The following DIP2C variants were observed in gnomAD, a reference collection of about 807,000 sequenced individuals.
The protein encoded by DIP2C is DIP2 acetate--CoA ligase C (putative).
In DIP2C, 33 loss-of-function variants were observed where a neutral mutation model predicts 192.4. The observed-to-expected ratio is 0.17, with a 90% CI of 0.13 to 0.23. The LOEUF is 0.23. Among genes scored for constraint, DIP2C ranks in the 10% least tolerant of loss-of-function variants. The pLI, the probability that DIP2C is intolerant of heterozygous loss-of-function variation, is 1.00. For missense variants in DIP2C, 1,537 were observed against 2,110.1 expected, an observed-to-expected ratio of 0.73 and a Z score of 5.32; for synonymous variants, 979 against 864.1, an observed-to-expected ratio of 1.13 and a Z score of -2.33.
intron 32 of DIP2C, among the ~76,000 whole-genome samples, chr10:303,776 G>C (rs768510144): frequency 8.5e-5 from 13 of 152,310 alleles, no homozygotes; most frequent in Non-Finnish European, 1.6e-4. Context: ...GCCCGCCTCA[G>C]CCTCCCAAAG....
chr10:428,838 C>T (rs1038162561), intron 4 of DIP2C, among the ~76,000 whole-genome samples: 1 of 152,108 alleles, frequency 6.6e-6, no homozygotes, highest in African/African-American at 2.4e-5. Context: ...TGGTTAATTT[C>T]TTTTCATCCC....
At chr10:305,253 ACT>A (rs1956262318) in intron 32 of DIP2C, among the ~76,000 whole-genome samples, 5 of 152,154 alleles carry the variant, frequency 3.3e-5, no homozygotes. Flanking sequence ...ACATGTACAA[ACT>A]CATATTCACA....
At chr10:318,177 A>G (rs1469969988) in intron 31 of DIP2C, among the ~76,000 whole-genome samples, 2 of 152,182 alleles carry the variant, frequency 1.3e-5, no homozygotes, top group Non-Finnish European at 2.9e-5. Context: ...CCGCTGCCAC[A>G]CTTTGGTCAC....
rs1965868152 is a variant in DIP2C at position 417,994 on chromosome 10, ACCTGCACCTGTCAGGGCGCGGACAGGCC to A, written c.739+1043_739+1070del. 2.5e-5 allele frequency among the ~76,000 whole-genome samples: 2 copies of A among 79,988 alleles called. 1 individual carries two copies. Among genetic ancestry groups the A allele is most frequent in the Admixed American group, 2.2e-4 (2 of 8,958 alleles). The allele number at this position is 79,988 out of a possible 152,430, so 52.5% of individuals were successfully genotyped here. On this transcript the variant is annotated intron_variant, in intron 6 of 36. Coordinates refer to ENST00000280886, the MANE Select transcript of DIP2C (RefSeq NM_014974.3). ...AGGGCTCGGATAGGCCTCCCTGTCC[ACCTGCACCTGTCAGGGCGCGGACAGGCC>A]TCCCTGTCCACCTGTTCCTGTCAGG...
intron 1 of DIP2C, among the ~76,000 whole-genome samples, chr10:601,417 CG>C (rs1852066499): frequency 1.3e-5 from 2 of 152,202 alleles, no homozygotes; most frequent in Admixed American, 6.6e-5. Context: ...TGTAATCTTA[CG>C]GAGAAACTGC....
intron 1 of DIP2C, among the ~76,000 whole-genome samples, chr10:675,356 C>A (rs535079737): frequency 2.0e-5 from 3 of 151,402 alleles, no homozygotes; most frequent in Non-Finnish European, 2.9e-5. Context: ...AATAAACAAC[C>A]TAACAATGAA....
rs895544948 is a variant in DIP2C at position 651,616 on chromosome 10, C to G, written c.85+37878G>C. The G allele has an allele frequency of 2.8e-6, 1 of 359,850 alleles. No individual in the cohort carries two copies. The highest frequency in any genetic ancestry group is 2.1e-5 in the African/African-American group (1 of 47,040). 22.3% of individuals were successfully genotyped at this position (359,850 alleles called of 1,614,324 possible). Reference sequence around the variant, plus strand: ...AGGTGCATCTTTTATAAAACAAGAACGCAAGGCTCTGAGGCCAACTTTGAA... The same window carrying G: ...AGGTGCATCTTTTATAAAACAAGAAGGCAAGGCTCTGAGGCCAACTTTGAA... On this transcript the variant is annotated intron_variant, in intron 1 of 36. Transcript: ENST00000280886. This position sits in a 1 kb window ranked among gnomAD's most constrained non-coding sequence, Gnocchi z 4.1.
intron 1 of DIP2C, among the ~76,000 whole-genome samples, chr10:623,464 A>G (rs1449846996): frequency 8.7e-6 from 1 of 114,676 alleles, no homozygotes; most frequent in African/African-American, 3.3e-5. Flanking sequence ...GGCTGAGGGG[A>G]GGAGGGGAGG....
chr10:350,715 G>A (rs541700238), intron 24 of DIP2C, among the ~76,000 whole-genome samples: 93 of 146,004 alleles, frequency 6.4e-4, no homozygotes, highest in African/African-American at 1.8e-3. Flanking sequence ...CTCAGCTCAC[G>A]GCAACCTCCG....
intron 1 of DIP2C, among the ~76,000 whole-genome samples, chr10:679,575 C>A (rs1208486951): frequency 1.7e-4 from 13 of 77,698 alleles, no homozygotes; most frequent in Admixed American, 4.5e-4. Flanking sequence ...CATCCTCCCC[C>A]CACCCATGCT....
At chr10:472,311 G>A in intron 3 of DIP2C, 128 bp downstream of exon 3, 1 of 735,346 alleles carries the variant, frequency 1.4e-6, no homozygotes, top group Non-Finnish European at 2.2e-6. Flanking sequence ...CGTGCAGAAA[G>A]CTGGAGGCCC....
At chr10:571,065 G>GC (rs1434020483) in intron 1 of DIP2C, among the ~76,000 whole-genome samples, 1 of 152,210 alleles carries the variant, frequency 6.6e-6, no homozygotes, top group Non-Finnish European at 1.5e-5. Flanking sequence ...CGAGAGTGGT[G>GC]CCCCCACAAT....
chr10:422,638 G>A (rs1223183137), intron 5 of DIP2C, among the ~76,000 whole-genome samples, 186 bp downstream of exon 5: 2 of 152,238 alleles, frequency 1.3e-5, no homozygotes, highest in African/African-American at 2.4e-5. Context: ...GCAGCTGTGG[G>A]AGGGACCTGG....
At position 342,521 on chromosome 10, in the gene DIP2C, T is replaced by C. The variant is rs372385918; in HGVS notation, c.3454-1192A>G. On this transcript the variant is annotated intron_variant, in intron 28 of 36. Transcript: ENST00000280886. ...GGGGAGGCACCACGGTGCATTCCTC[T>C]GCTGGTCGAGGCCCTGTCTTATTCA... 4.6e-5 allele frequency among the ~76,000 whole-genome samples: 7 copies of C among 152,346 alleles called. No individual in the cohort carries two copies. The East Asian group carries it at 1.3e-3, about 29-fold the overall frequency.
chr10:681,592 C>G (rs189158657), intron 1 of DIP2C, among the ~76,000 whole-genome samples: 2 of 151,766 alleles, frequency 1.3e-5, no homozygotes, highest in Non-Finnish European at 1.5e-5. Flanking sequence ...GGAACACAGA[C>G]CCTTAGTCAC....
At chr10:654,471 G>A (rs1007199880) in intron 1 of DIP2C, among the ~76,000 whole-genome samples, 3 of 152,202 alleles carry the variant, frequency 2.0e-5, no homozygotes. Flanking sequence ...AGCGTGGAGG[G>A]CACTGTAGAG....
intron 1 of DIP2C, among the ~76,000 whole-genome samples, chr10:571,932 T>C (rs888514311): frequency 1.4e-4 from 22 of 152,248 alleles, no homozygotes; most frequent in African/African-American, 5.1e-4. Context: ...CTGCGAATTA[T>C]TTTGTATCCA....
At chr10:586,755 G>A (rs1039283903) in intron 1 of DIP2C, among the ~76,000 whole-genome samples, 1 of 152,202 alleles carries the variant, frequency 6.6e-6, no homozygotes, top group African/African-American at 2.4e-5. Flanking sequence ...CCAGGTCCAG[G>A]GAACGTTCTG....
intron 1 of DIP2C, among the ~76,000 whole-genome samples, chr10:659,237 G>A (rs1200096186): frequency 6.6e-6 from 1 of 152,060 alleles, no homozygotes; most frequent in Non-Finnish European, 1.5e-5. Flanking sequence ...GCGATGTCAT[G>A]CCTAAACATG....
Sources: gnomAD v4.1 joint callset for allele counts (sites outside exome capture counted in the v4.1 genomes callset) on GRCh38, gnomAD v4.1.1 for gene constraint, Gnocchi (gnomAD v3.1) non-coding constraint, MANE v1.5 for transcripts, NCBI Gene and HGNC (gene_info 2026-07-23, HGNC 2026-07-21) for gene names.